The following CLVS1 variants were observed in gnomAD, a reference collection of about 807,000 sequenced individuals.
CLVS1 encodes clavesin 1.
Under a neutral mutation model 33.1 loss-of-function variants are expected in CLVS1, and 10 were observed. The observed-to-expected ratio is 0.30, with a 90% CI of 0.19 to 0.51. CLVS1 has a LOEUF of 0.51. CLVS1 is among the 20% of genes least tolerant of loss of function. CLVS1 has a pLI of 0.97. For missense variants in CLVS1, 343 were observed against 433.4 expected (o/e 0.79, Z 1.85); for synonymous variants, 163 against 166.1 (o/e 0.98, Z 0.14).
intron 2 of CLVS1, among the ~76,000 whole-genome samples, chr8:61,182,384 G>A (rs900950673): frequency 4.6e-5 from 7 of 152,126 alleles, no homozygotes; most frequent in African/African-American, 1.7e-4. Context: ...TATCATCAGA[G>A]TGAAAAGGCA....
intron 2 of CLVS1, among the ~76,000 whole-genome samples, chr8:61,149,551 C>CAAAAAAAAAAAATAA (rs1806483080): frequency 1.9e-5 from 1 of 51,988 alleles, no homozygotes; most frequent in Non-Finnish European, 4.4e-5. Flanking sequence ...GACTCTGTCT[C>CAAAAAAAAAAAATAA]AAAAAAAAAA....
chr8:61,353,620 G>C (rs1012163729), intron 2 of CLVS1, among the ~76,000 whole-genome samples: 1 of 151,500 alleles, frequency 6.6e-6, no homozygotes, highest in African/African-American at 2.4e-5. Context: ...AACAATATGA[G>C]ATGTTGATAT....
At chr8:61,351,224 G>C (rs551618595) in intron 2 of CLVS1, among the ~76,000 whole-genome samples, 5 of 152,038 alleles carry the variant, frequency 3.3e-5, no homozygotes, top group African/African-American at 1.2e-4. Context: ...TAAAGGAATA[G>C]AAGTTATAAA....
intron 2 of CLVS1, among the ~76,000 whole-genome samples, chr8:61,208,021 G>A (rs571271438): frequency 5.3e-5 from 8 of 152,262 alleles, no homozygotes; most frequent in Non-Finnish European, 1.2e-4. Context: ...TGGGCTTAGC[G>A]GCCACAGCCA....
At chr8:61,027,051 G>T in the CLVS1 span, among the ~76,000 whole-genome samples, 1 of 152,160 alleles carries the variant, frequency 6.6e-6, no homozygotes, top group East Asian at 1.9e-4. Context: ...ACAGGTCATG[G>T]TGACAGACTT....
intron 2 of CLVS1, among the ~76,000 whole-genome samples, chr8:61,225,649 G>GA (rs1013646797): frequency 4.6e-5 from 7 of 151,850 alleles, no homozygotes; most frequent in South Asian, 4.1e-4. Context: ...TGAATAAGAA[G>GA]AAAAAAAATC....
At chr8:61,379,859 G>A (rs921132323) in intron 3 of CLVS1, among the ~76,000 whole-genome samples, 1 of 152,114 alleles carries the variant, frequency 6.6e-6, no homozygotes, top group African/African-American at 2.4e-5. Context: ...TAACAGGCAG[G>A]GATGCACACA....
chr8:61,246,932 C>G (rs3864673), intron 2 of CLVS1, among the ~76,000 whole-genome samples: 40,744 of 151,674 alleles, frequency 0.27, 9,554 homozygotes, highest in East Asian at 0.68. Context: ...TCCAGTAGTT[C>G]TCTTTTCTGC....
intron 2 of CLVS1, among the ~76,000 whole-genome samples, chr8:61,156,734 A>G (rs1293653339): frequency 6.6e-6 from 1 of 152,254 alleles, no homozygotes; most frequent in East Asian, 1.9e-4. Flanking sequence ...TATTATTCCC[A>G]AAATGTCAAC....
intron 3 of CLVS1, among the ~76,000 whole-genome samples, chr8:61,402,346 C>T (rs1814802843): frequency 1.3e-5 from 2 of 152,180 alleles, no homozygotes; most frequent in Admixed American, 6.5e-5. Context: ...GGAAATAATG[C>T]TCTATGACAT....
At chr8:60,990,218 C>T in the CLVS1 span, among the ~76,000 whole-genome samples, 5 of 149,336 alleles carry the variant, frequency 3.3e-5, no homozygotes, top group Admixed American at 6.7e-5. Flanking sequence ...CAGGTATCAT[C>T]GGTGGATTTG....
upstream of CLVS1, among the ~76,000 whole-genome samples, chr8:61,053,734 G>A (rs1183330912): frequency 2.6e-5 from 4 of 152,214 alleles, no homozygotes; most frequent in African/African-American, 9.7e-5. Flanking sequence ...TAAGCATGTG[G>A]CCCAGGCTGG....
the CLVS1 span, chr8:60,967,686 C>T: frequency 8.8e-6 from 4 of 455,858 alleles, no homozygotes; most frequent in African/African-American, 8.0e-5. Flanking sequence ...GCCTCTCCTG[C>T]CCACTGCTCA....
chr8:61,209,972 A>C (rs1807938629), intron 2 of CLVS1, among the ~76,000 whole-genome samples: 2 of 152,244 alleles, frequency 1.3e-5, no homozygotes, highest in South Asian at 4.1e-4. Context: ...ACTACAGTAA[A>C]TTCTCTAATA....
chr8:61,163,689 TG>T (rs1331743769), intron 2 of CLVS1, among the ~76,000 whole-genome samples: 2 of 152,228 alleles, frequency 1.3e-5, no homozygotes, highest in East Asian at 3.9e-4. Flanking sequence ...AGCCGTGGGT[TG>T]TGGAAGAGAA....
At chr8:61,138,225 T>G (rs7824081) in intron 2 of CLVS1, among the ~76,000 whole-genome samples, 102,795 of 152,122 alleles carry the variant, frequency 0.68, 37,166 homozygotes, top group East Asian at 0.97. Context: ...GAAGAGGTCA[T>G]GAGATGGCCT....
At chr8:61,318,591 C>T (rs1811091360) in intron 2 of CLVS1, among the ~76,000 whole-genome samples, 1 of 152,154 alleles carries the variant, frequency 6.6e-6, no homozygotes, top group Admixed American at 6.5e-5. Context: ...ATGAAATTCC[C>T]ATTTGTCTGT....
intron 2 of CLVS1, among the ~76,000 whole-genome samples, chr8:61,153,992 G>C (rs992406928): frequency 6.6e-6 from 1 of 152,176 alleles, no homozygotes; most frequent in African/African-American, 2.4e-5. Flanking sequence ...GTTTTTAAGA[G>C]TGAATATCTG....
intron 3 of CLVS1, among the ~76,000 whole-genome samples, chr8:61,394,716 C>T (rs1017662610): frequency 5.3e-5 from 8 of 152,158 alleles, no homozygotes; most frequent in African/African-American, 1.9e-4. Context: ...TCCAAGCAGC[C>T]AGCATGCAGG....
Sources: allele counts gnomAD v4.1 joint callset (sites outside exome capture counted in the v4.1 genomes callset), GRCh38; gene constraint gnomAD v4.1.1; transcripts MANE v1.5; gene names NCBI Gene and HGNC (gene_info 2026-07-23, HGNC 2026-07-21).